RAD51B: variants seen among roughly 807,000 people sequenced by gnomAD.
The protein encoded by RAD51B is DNA repair protein RAD51 homolog 2.
Under a neutral mutation model 42.2 loss-of-function variants are expected in RAD51B, and 38 were observed. The observed-to-expected ratio is 0.90, with a 90% CI of 0.70 to 1.18. The LOEUF (loss-of-function observed/expected upper bound fraction) is 1.18, where lower values mean the gene tolerates loss of function less well. Ranked by LOEUF, RAD51B falls within the 50% of genes most tolerant of loss-of-function variation. The pLI is 0.00. For synonymous variants in RAD51B, 154 were observed against 145.2 expected, an observed-to-expected ratio of 1.06 and a Z score of -0.43; for missense variants, 373 against 400.7, an observed-to-expected ratio of 0.93 and a Z score of 0.59.
chr14:68,399,334 G>A (rs1162032132), intron 8 of RAD51B, among the ~76,000 whole-genome samples: 1 of 145,030 alleles, frequency 6.9e-6, no homozygotes, highest in Non-Finnish European at 1.5e-5. Flanking sequence ...TCGGCTCACT[G>A]CAAACTCCTC....
At chr14:68,475,483 C>T (rs1191743582) in intron 10 of RAD51B, among the ~76,000 whole-genome samples, 1 of 152,202 alleles carries the variant, frequency 6.6e-6, no homozygotes, top group Non-Finnish European at 1.5e-5. Flanking sequence ...CAAGGATCAG[C>T]ACCCAAAAAT....
intron 8 of RAD51B, among the ~76,000 whole-genome samples, chr14:68,297,625 A>G (rs1454158417): frequency 2.0e-5 from 3 of 152,330 alleles, no homozygotes; most frequent in Non-Finnish European, 4.4e-5. Flanking sequence ...CCTTGGGGGT[A>G]TGGTGCAAGT....
At chr14:68,371,883 CA>C (rs1324455216) in intron 8 of RAD51B, among the ~76,000 whole-genome samples, 9 of 152,186 alleles carry the variant, frequency 5.9e-5, no homozygotes, top group African/African-American at 1.9e-4. Context: ...GAAAGATATG[CA>C]AGTGGACAAT....
In RAD51B at chr14:68,108,141, C is replaced by T. The variant is rs563823003; in HGVS notation, c.757-183743C>T. Among the ~76,000 whole-genome samples the T allele has an allele frequency of 6.6e-5, 10 of 151,770 alleles. No individual in the cohort carries two copies. The South Asian group carries it at 2.1e-3, about 32-fold the overall frequency. Reference sequence around the variant, plus strand: ...CATAATAAGATACCACTTTTTACCACTAGGATGGCTATGATAAAAAAGATA... The same window carrying T: ...CATAATAAGATACCACTTTTTACCATTAGGATGGCTATGATAAAAAAGATA... On this transcript the variant is annotated intron_variant, in intron 7 of 10. Coordinates refer to ENST00000471583, the MANE Select transcript of RAD51B (RefSeq NM_133510.4).
intron 10 of RAD51B, among the ~76,000 whole-genome samples, chr14:68,534,529 G>T (rs1887496270): frequency 6.6e-6 from 1 of 152,156 alleles, no homozygotes; most frequent in South Asian, 2.1e-4. Context: ...TGGGATATGG[G>T]ACAGTGAGAT....
chr14:67,984,006 T>C (rs1256675943), intron 7 of RAD51B, among the ~76,000 whole-genome samples: 4 of 151,928 alleles, frequency 2.6e-5, no homozygotes, highest in Non-Finnish European at 5.9e-5. Context: ...TGGCGCGATC[T>C]TGGCTCACTG....
chr14:68,307,007 A>ATT (rs374291766), intron 8 of RAD51B, among the ~76,000 whole-genome samples: 1 of 86,578 alleles, frequency 1.2e-5, no homozygotes, highest in African/African-American at 3.3e-5. Context: ...GAAAATATTG[A>ATT]TTTTTTTTTT....
chr14:68,086,314 G>T (rs574189437), intron 7 of RAD51B, among the ~76,000 whole-genome samples: 1 of 152,130 alleles, frequency 6.6e-6, no homozygotes, highest in East Asian at 1.9e-4. Flanking sequence ...CCAGCTGCCC[G>T]TGTGTTCCTC....
At chr14:68,403,352 G>T (rs1323235143) in intron 8 of RAD51B, among the ~76,000 whole-genome samples, 1 of 150,882 alleles carries the variant, frequency 6.6e-6, no homozygotes, top group East Asian at 1.9e-4. Flanking sequence ...TTCTTTTAAA[G>T]TTGACCCTTT....
intron 7 of RAD51B, among the ~76,000 whole-genome samples, chr14:68,126,842 T>G (rs2077770680): frequency 6.6e-6 from 1 of 152,216 alleles, no homozygotes; most frequent in African/African-American, 2.4e-5. Context: ...TCAAGGTGTT[T>G]GGGTGGATTC....
At chr14:68,553,292 G>T (rs1416468033) in intron 10 of RAD51B, among the ~76,000 whole-genome samples, 1 of 152,148 alleles carries the variant, frequency 6.6e-6, no homozygotes, top group Admixed American at 6.5e-5. Context: ...GGATCACTTG[G>T]ATTATTTCTA....
At chr14:68,460,526 G>T (rs1175545769) in intron 9 of RAD51B, among the ~76,000 whole-genome samples, 1 of 152,198 alleles carries the variant, frequency 6.6e-6, no homozygotes, top group Non-Finnish European at 1.5e-5. Context: ...TGTGCTGCCT[G>T]CTCCACACTG....
Position 68,291,887 on chromosome 14 carries a change from A to T in RAD51B, c.760A>T (p.Ile254Phe). The stretch of plus-strand genomic sequence containing the variant: ...CCTTCTCCCTGTCTGTTCACAGGTT[A>T]TCTTGACGAATCAGATTACAACCCA... ...YLAEEFSIPVILTNQITTHLS... is the reference protein window; with the variant it reads ...YLAEEFSIPVFLTNQITTHLS... Residue 254 changes from isoleucine (I) to phenylalanine (F), a missense_variant, in exon 8 of 11, where the codon ATC (isoleucine) becomes TTC (phenylalanine). Transcript: ENST00000471583. 3.1e-6 allele frequency: 5 copies of T among 1,612,400 alleles called. No homozygotes were observed. Among genetic ancestry groups the T allele is most frequent in the Non-Finnish European group, 4.2e-6 (5 of 1,178,664 alleles).
intron 8 of RAD51B, among the ~76,000 whole-genome samples, chr14:68,297,358 G>T (rs965510066): frequency 1.3e-5 from 2 of 152,116 alleles, no homozygotes; most frequent in African/African-American, 4.8e-5. Context: ...TTTCATTTCC[G>T]ATAAAAAACA....
intron 7 of RAD51B, among the ~76,000 whole-genome samples, chr14:67,936,210 C>G (rs1359252046): frequency 6.6e-6 from 1 of 152,156 alleles, no homozygotes; most frequent in African/African-American, 2.4e-5. Context: ...TTCACCACCC[C>G]AAGAAGAAAC....
chr14:68,432,290 A>G (rs2085030213), intron 9 of RAD51B, among the ~76,000 whole-genome samples: 1 of 152,180 alleles, frequency 6.6e-6, no homozygotes, highest in Admixed American at 6.5e-5. Context: ...AGCTGAGTTC[A>G]ATTCCTGGAT....
At chr14:68,531,877 G>A (rs1223467385) in intron 10 of RAD51B, among the ~76,000 whole-genome samples, 1 of 152,118 alleles carries the variant, frequency 6.6e-6, no homozygotes, top group Non-Finnish European at 1.5e-5. Context: ...TGACTATTCT[G>A]GAGGCTGAGG....
At chr14:68,299,976 A>G (rs2081692843) in intron 8 of RAD51B, among the ~76,000 whole-genome samples, 1 of 152,140 alleles carries the variant, frequency 6.6e-6, no homozygotes, top group Non-Finnish European at 1.5e-5. Flanking sequence ...CTTTTCATCC[A>G]TTCAGCCATA....
intron 10 of RAD51B, among the ~76,000 whole-genome samples, chr14:68,513,385 C>T (rs1277076346): frequency 6.6e-6 from 1 of 152,172 alleles, no homozygotes; most frequent in Non-Finnish European, 1.5e-5. Context: ...AAAGGAAATG[C>T]TGCAGTTTAA....
Sources: gnomAD v4.1 joint callset for allele counts (sites outside exome capture counted in the v4.1 genomes callset) on GRCh38, gnomAD v4.1.1 for gene constraint, MANE v1.5 for transcripts, NCBI Gene and HGNC (gene_info 2026-07-23, HGNC 2026-07-21) for gene names.